Variants in FAM222B observed in about 807,000 individuals in gnomAD.
FAM222B encodes family with sequence similarity 222 member B, also known as protein FAM222B.
A neutral mutation model predicts 38.0 loss-of-function variants in FAM222B; 12 were observed. The observed-to-expected ratio is 0.32, with a 90% confidence interval of 0.20 to 0.51. The LOEUF (loss-of-function observed/expected upper bound fraction) is 0.51, where lower values mean the gene tolerates loss of function less well. Ranked by LOEUF, FAM222B falls within the 20% of genes least tolerant of loss-of-function variation. FAM222B has a pLI of 0.97. For missense variants in FAM222B, 716 were observed against 754.2 expected (o/e 0.95, Z 0.59); for synonymous variants, 329 against 317.2 (o/e 1.04, Z -0.40).
chr17:28,780,479 C>T (rs917730787), intron 1 of FAM222B, among the ~76,000 whole-genome samples: 1 of 151,368 alleles, frequency 6.6e-6, no homozygotes, highest in Non-Finnish European at 1.5e-5. Flanking sequence ...TAAGAACAAA[C>T]TATCCAAAAA....
intron 1 of FAM222B, among the ~76,000 whole-genome samples, chr17:28,836,967 A>G (rs1598052046): frequency 6.6e-6 from 1 of 152,002 alleles, no homozygotes; most frequent in South Asian, 2.1e-4. Context: ...AAAGTACAAA[A>G]ATTAGCCAGG....
Position 28,790,884 on chromosome 17 carries a change from C to CATTTTTTTTTTTTTTTTTTTTTTTTTT in FAM222B, c.-40-24178_-40-24177insAAAAAAAAAAAAAAAAAAAAAAAAAAT, listed in dbSNP as rs71135852. On this transcript the variant is annotated intron_variant, in intron 1 of 2. Coordinates refer to ENST00000581407, the MANE Select transcript of FAM222B (RefSeq NM_001077498.3). ...GTTCTATATATTTCAAATTGTTTCACTTTTTTTTTTTTTTTTTTTTTTTTT... is the reference window on the plus strand; with the variant it reads ...GTTCTATATATTTCAAATTGTTTCACATTTTTTTTTTTTTTTTTTTTTTTTTTTTTTTTTTTTTTTTTTTTTTTTTTT... Among the ~76,000 whole-genome samples, 213 of 86,088 alleles carry CATTTTTTTTTTTTTTTTTTTTTTTTTT rather than the reference C, an allele frequency of 2.5e-3. 85 individuals are homozygous for CATTTTTTTTTTTTTTTTTTTTTTTTTT. Among genetic ancestry groups the CATTTTTTTTTTTTTTTTTTTTTTTTTT allele is most frequent in the East Asian group, 4.2e-3 (12 of 2,848 alleles). 56.5% of individuals were successfully genotyped at this position (86,088 alleles called of 152,430 possible).
At chr17:28,790,916 A>T (rs866301825) in intron 1 of FAM222B, among the ~76,000 whole-genome samples, 49 of 9,436 alleles carry the variant, frequency 5.2e-3, no homozygotes, top group Non-Finnish European at 6.8e-3. Context: ...TTTTTTTTTT[A>T]GAGACAGAAT....
chr17:28,808,368 A>G (rs1374260722), intron 1 of FAM222B, among the ~76,000 whole-genome samples: 1 of 152,204 alleles, frequency 6.6e-6, no homozygotes, highest in African/African-American at 2.4e-5. Flanking sequence ...CTTTATTTTG[A>G]GCCACTGAAC....
At chr17:28,780,757 C>CTGTA (rs780896928) in intron 1 of FAM222B, among the ~76,000 whole-genome samples, 1 of 151,962 alleles carries the variant, frequency 6.6e-6, no homozygotes, top group Non-Finnish European at 1.5e-5. Flanking sequence ...TGGCAGGCAC[C>CTGTA]TGTAATACCA....
intron 1 of FAM222B, among the ~76,000 whole-genome samples, chr17:28,840,300 A>T (rs1213236199): frequency 1.3e-5 from 2 of 152,096 alleles, no homozygotes; most frequent in African/African-American, 4.8e-5. Flanking sequence ...CGGGAGGTGG[A>T]GGTTGCAATG....
At chr17:28,783,615 G>T (rs7218540) in intron 1 of FAM222B, among the ~76,000 whole-genome samples, 151,974 of 151,974 alleles carry the variant, frequency 1, 75,987 homozygotes, top group Non-Finnish European at 1. Flanking sequence ...CAGGTTCAAG[G>T]GATTCTCCTG....
At chr17:28,780,680 G>A (rs901964587) in intron 1 of FAM222B, among the ~76,000 whole-genome samples, 6 of 151,992 alleles carry the variant, frequency 3.9e-5, no homozygotes, top group Non-Finnish European at 5.9e-5. Context: ...TCAGTAGTTC[G>A]AGACCAGCCT....
chr17:28,808,674 G>C (rs1470712831), intron 1 of FAM222B, among the ~76,000 whole-genome samples: 1 of 152,176 alleles, frequency 6.6e-6, no homozygotes, highest in Non-Finnish European at 1.5e-5. Flanking sequence ...CCCTGGGGGA[G>C]GGGATTGTGC....
chr17:28,831,761 C>G (rs2038676198), intron 1 of FAM222B, among the ~76,000 whole-genome samples: 1 of 151,992 alleles, frequency 6.6e-6, no homozygotes, highest in Admixed American at 6.6e-5. Context: ...AAGCAATACA[C>G]CCACCTCTGC....
chr17:28,843,696 C>T (rs1224992946), upstream of FAM222B, among the ~76,000 whole-genome samples: 2 of 152,074 alleles, frequency 1.3e-5, no homozygotes, highest in African/African-American at 4.8e-5. Context: ...GATTCGCCCG[C>T]CCCGGCCTCC....
chr17:28,771,999 G>A (rs1235171619), intron 1 of FAM222B, among the ~76,000 whole-genome samples: 1 of 152,186 alleles, frequency 6.6e-6, no homozygotes, highest in Non-Finnish European at 1.5e-5. Flanking sequence ...GGAGCTTGCA[G>A]TGAGCCAAGA....
At chr17:28,826,678 T>C (rs982735841) in intron 1 of FAM222B, among the ~76,000 whole-genome samples, 1 of 113,984 alleles carries the variant, frequency 8.8e-6, no homozygotes, top group Non-Finnish European at 1.8e-5. Flanking sequence ...CAGAACTCCG[T>C]CTCAAAAAAA....
chr17:28,830,151 T>TTTA (rs2038612975), intron 1 of FAM222B, among the ~76,000 whole-genome samples: 1 of 139,918 alleles, frequency 7.1e-6, no homozygotes, highest in Non-Finnish European at 1.5e-5. Flanking sequence ...GCCCAGCCTC[T>TTTA]TTATACATTC....
chr17:28,779,192 C>T (rs938770901), intron 1 of FAM222B, among the ~76,000 whole-genome samples: 4 of 152,014 alleles, frequency 2.6e-5, no homozygotes, highest in Admixed American at 6.6e-5. Flanking sequence ...TTTACGACGT[C>T]GGCATTACCC....
intron 1 of FAM222B, among the ~76,000 whole-genome samples, chr17:28,804,761 G>A (rs2037401478): frequency 6.6e-6 from 1 of 152,072 alleles, no homozygotes; most frequent in Non-Finnish European, 1.5e-5. Flanking sequence ...ACTAAGTGCA[G>A]GCCGGGTGCG....
chr17:28,759,894 G>C lies in FAM222B; in HGVS notation c.83-18C>G. On this transcript the variant is annotated intron_variant, in intron 2 of 2. Transcript: ENST00000581407. This position sits in a 1 kb window ranked among gnomAD's most constrained non-coding sequence, Gnocchi z 4.8. ...AGTGTCCCCTAGAGAGAGAGAATGG[G>C]AAGGAGAGCAAAGAGGGAGAGGGAG... 6.7e-7 allele frequency: 1 copy of C among 1,503,094 alleles called. No individual in the cohort carries two copies. Among genetic ancestry groups the C allele is most frequent in the Non-Finnish European group, 8.9e-7 (1 of 1,120,172 alleles). The allele number at this position is 1,503,094 out of a possible 1,614,324, so 93.1% of individuals were successfully genotyped here.
intron 1 of FAM222B, among the ~76,000 whole-genome samples, chr17:28,801,280 C>T (rs1468018572): frequency 4.0e-5 from 6 of 150,718 alleles, no homozygotes; most frequent in Middle Eastern, 3.4e-3. Flanking sequence ...AGTGAAACCC[C>T]GTCTCTACTA....
At chr17:28,775,764 C>G (rs902724185) in intron 1 of FAM222B, among the ~76,000 whole-genome samples, 2 of 151,486 alleles carry the variant, frequency 1.3e-5, no homozygotes, top group African/African-American at 4.9e-5. Flanking sequence ...GACTATAGTC[C>G]CAGCTACTCA....
Sources: gnomAD v4.1 joint callset for allele counts (sites outside exome capture counted in the v4.1 genomes callset) on GRCh38, gnomAD v4.1.1 for gene constraint, Gnocchi (gnomAD v3.1) non-coding constraint, MANE v1.5 for transcripts, NCBI Gene and HGNC (gene_info 2026-07-23, HGNC 2026-07-21) for gene names.